Variants in REEP6 observed in about 807,000 individuals in gnomAD.
The protein encoded by REEP6 is receptor expression-enhancing protein 6.
Under a neutral mutation model 22.4 loss-of-function variants are expected in REEP6, and 19 were observed. That is an observed-to-expected ratio of 0.85 (90% confidence interval 0.59 to 1.25). The LOEUF is 1.25. Ranked by LOEUF, REEP6 falls within the 50% of genes most tolerant of loss-of-function variation. REEP6 has a pLI of 0.00. For missense variants in REEP6, 273 were observed against 251.9 expected (o/e 1.08, Z -0.57); for synonymous variants, 121 against 113.6 (o/e 1.06, Z -0.41).
chr19:1,497,144 G>GGGCCCC lies in REEP6; in HGVS notation c.518-30_518-29insGGCCCC. 2 of 1,328,122 alleles carry GGGCCCC rather than the reference G, an allele frequency of 1.5e-6. No homozygotes were observed. The highest frequency in any genetic ancestry group is 2.0e-6 in the Non-Finnish European group (2 of 992,332). The allele number at this position is 1,328,122 out of a possible 1,614,324, so 82.3% of individuals were successfully genotyped here. ...CCGGGGAGCCCAGGCCTGCCTCACGGCCCTCCCCCACCCGCCCCTCTCTCT... is the reference window on the plus strand; with the variant it reads ...CCGGGGAGCCCAGGCCTGCCTCACGGGGCCCCCCCTCCCCCACCCGCCCCTCTCTCT... On this transcript the variant is annotated intron_variant, in intron 4 of 4. Coordinates refer to ENST00000233596, the MANE Select transcript of REEP6 (RefSeq NM_138393.4). This position sits in a 1 kb window ranked among gnomAD's most constrained non-coding sequence, Gnocchi z 6.5.
intron 1 of REEP6, among the ~76,000 whole-genome samples, chr19:1,492,455 G>A (rs2084969068): frequency 6.6e-6 from 1 of 152,008 alleles, no homozygotes; most frequent in Non-Finnish European, 1.5e-5. Flanking sequence ...ACTTTTTTAA[G>A]AGACAGGGTC....
chr19:1,496,131 C>T (rs1599272362), intron 3 of REEP6, 154 bp from the exon 4 acceptor site: 9 of 861,418 alleles, frequency 1.0e-5, no homozygotes, highest in East Asian at 2.7e-5. Flanking sequence ...CCCAATAGGA[C>T]GTCTGATGGT....
At position 1,491,245 on chromosome 19, in the gene REEP6, A is replaced by T; in HGVS notation, c.-25A>T. The stretch of plus-strand genomic sequence containing the variant: ...CCCTGGTCCGCGGGCGAGCTCGAGC[A>T]GCCAACCCCGGGCGCGTCGGGGCCA... On this transcript the variant is annotated 5_prime_UTR_variant, in exon 1 of 5. Coordinates refer to ENST00000233596, the MANE Select transcript of REEP6 (RefSeq NM_138393.4). This position sits in a 1 kb window ranked among gnomAD's most constrained non-coding sequence, Gnocchi z 5.4. 1 of 1,444,230 alleles carries T rather than the reference A, an allele frequency of 6.9e-7. No individual in the cohort carries two copies. The allele number at this position is 1,444,230 out of a possible 1,614,324, so 89.5% of individuals were successfully genotyped here. A position where few individuals can be genotyped will look rare whatever the true frequency, so the allele number is the denominator to read the frequency against.
chr19:1,495,878 C>T (rs1451428320), intron 3 of REEP6: 3 of 579,516 alleles, frequency 5.2e-6, no homozygotes, highest in Non-Finnish European at 9.1e-6. Flanking sequence ...GTGGAGGGCC[C>T]ACCCTGAAGG....
At chr19:1,496,827 ATG>A (rs1568235863) in intron 4 of REEP6, among the ~76,000 whole-genome samples, 1 of 151,778 alleles carries the variant, frequency 6.6e-6, no homozygotes, top group African/African-American at 2.4e-5. Flanking sequence ...GCTCAAGTGT[ATG>A]TTTGGTGTGT....
At position 1,491,275 on chromosome 19, in the gene REEP6, C is replaced by T. The variant is rs1358942775; in HGVS notation, c.6C>T (p.Asp2=). ...ACCCCGGGCGCGTCGGGGCCATGGACGGCCTGAGGCAGCGCGTGGAGCACT... is the reference window on the plus strand; with the variant it reads ...ACCCCGGGCGCGTCGGGGCCATGGATGGCCTGAGGCAGCGCGTGGAGCACT... M[D]GLRQRVEHFL... The change falls in exon 1 of 5, where the codon GAC becomes GAT. Residue 2 remains aspartate (D), a synonymous_variant. Coordinates refer to ENST00000233596, the MANE Select transcript of REEP6 (RefSeq NM_138393.4). This position sits in a 1 kb window ranked among gnomAD's most constrained non-coding sequence, Gnocchi z 5.4. The T allele has an allele frequency of 4.1e-6, 6 of 1,463,872 alleles. No homozygotes were observed. The South Asian group carries it at 8.0e-5, about 20-fold the overall frequency. 90.7% of individuals were successfully genotyped at this position (1,463,872 alleles called of 1,614,324 possible). A position where few individuals can be genotyped will look rare whatever the true frequency, so the allele number is the denominator to read the frequency against.
chr19:1,493,031 C>T (rs557580960), intron 1 of REEP6, among the ~76,000 whole-genome samples: 1 of 152,134 alleles, frequency 6.6e-6, no homozygotes, highest in Non-Finnish European at 1.5e-5. Flanking sequence ...AACTGAGGCA[C>T]AGGGAGGCAG....
rs113028547 is a variant in REEP6 at position 1,491,806 on chromosome 19, C to A, written c.115+422C>A. Among the ~76,000 whole-genome samples the A allele has an allele frequency of 5.3e-3, 814 of 152,276 alleles. 6 individuals carry two copies. The highest frequency in any genetic ancestry group is 0.018 in the African/African-American group (753 of 41,556). On this transcript the variant is annotated intron_variant, in intron 1 of 4. Coordinates refer to ENST00000233596, the MANE Select transcript of REEP6 (RefSeq NM_138393.4). The surrounding 1 kb of genome is among the most constrained non-coding windows in gnomAD (Gnocchi z 5.4). Reference sequence around the variant, plus strand: ...GCTCCTGGCGGGAAGGGGAACGGACCGTCCTGGGGGCCTGCCCAGGACCCT... The same window carrying A: ...GCTCCTGGCGGGAAGGGGAACGGACAGTCCTGGGGGCCTGCCCAGGACCCT...
rs1419080315 is a variant in REEP6, at chr19:1,491,260, C to T, written c.-10C>T. 7.5e-6 allele frequency: 11 copies of T among 1,461,698 alleles called. No homozygotes were observed. Among genetic ancestry groups the T allele is most frequent in the Non-Finnish European group, 1.0e-5 (11 of 1,104,206 alleles). The allele number at this position is 1,461,698 out of a possible 1,614,324, so 90.5% of individuals were successfully genotyped here. ...GAGCTCGAGCAGCCAACCCCGGGCGCGTCGGGGCCATGGACGGCCTGAGGC... is the reference window on the plus strand; with the variant it reads ...GAGCTCGAGCAGCCAACCCCGGGCGTGTCGGGGCCATGGACGGCCTGAGGC... On this transcript the variant is annotated 5_prime_UTR_variant, in exon 1 of 5. Transcript: ENST00000233596. The surrounding 1 kb of genome is among the most constrained non-coding windows in gnomAD (Gnocchi z 5.4).
intron 3 of REEP6, 105 bp downstream of exon 3, chr19:1,495,712 G>A: frequency 1.4e-6 from 2 of 1,474,072 alleles, no homozygotes; most frequent in Non-Finnish European, 1.9e-6. Flanking sequence ...GATGGGGGAT[G>A]TGAGGGGAAG....
At chr19:1,492,049 C>T (rs1405714493) in intron 1 of REEP6, among the ~76,000 whole-genome samples, 1 of 152,220 alleles carries the variant, frequency 6.6e-6, no homozygotes. Context: ...CGCTGCGCGC[C>T]CCTTCCCCTT....
Position 1,491,277 on chromosome 19 carries a change from G to A in REEP6, c.8G>A (p.Gly3Asp), listed in dbSNP as rs2084931182. The A allele has an allele frequency of 6.8e-7, 1 of 1,469,192 alleles. No homozygotes were observed. 91.0% of individuals were successfully genotyped at this position (1,469,192 alleles called of 1,614,324 possible). A position where few individuals can be genotyped will look rare whatever the true frequency, so the allele number is the denominator to read the frequency against. Residue 3 changes from glycine to aspartate, a missense_variant, in exon 1 of 5, where the codon GGC becomes GAC. By Grantham distance (94) the Gly-to-Asp change is moderately conservative. Coordinates refer to ENST00000233596, the MANE Select transcript of REEP6 (RefSeq NM_138393.4). The surrounding 1 kb of genome is among the most constrained non-coding windows in gnomAD (Gnocchi z 5.4). Reference sequence around the variant, plus strand: ...CCCGGGCGCGTCGGGGCCATGGACGGCCTGAGGCAGCGCGTGGAGCACTTC... The same window carrying A: ...CCCGGGCGCGTCGGGGCCATGGACGACCTGAGGCAGCGCGTGGAGCACTTC... The part of the protein sequence containing the change: MD[G>D]LRQRVEHFLE...
rs184356754 is a variant in REEP6, at chr19:1,492,830, C to T, written c.115+1446C>T. Reference sequence around the variant, plus strand: ...CCCACACCCTGGAGGTCCCCAGGTGCCTGGTCCCATGTGCAGCGCAGCAGG... The same window carrying T: ...CCCACACCCTGGAGGTCCCCAGGTGTCTGGTCCCATGTGCAGCGCAGCAGG... On this transcript the variant is annotated intron_variant, in intron 1 of 4. Coordinates refer to ENST00000233596, the MANE Select transcript of REEP6 (RefSeq NM_138393.4). 1.1e-3 allele frequency among the ~76,000 whole-genome samples: 163 copies of T among 152,306 alleles called. 2 individuals are homozygous for T. Among genetic ancestry groups the T allele is most frequent in the Non-Finnish European group, 1.2e-3 (84 of 68,014 alleles).
intron 1 of REEP6, among the ~76,000 whole-genome samples, chr19:1,493,732 C>CACACACACACAT (rs1555690909): frequency 6.6e-6 from 1 of 151,626 alleles, no homozygotes; most frequent in African/African-American, 2.4e-5. Context: ...CACACACACA[C>CACACACACACAT]GTTTTTCTCT....
rs975719148 is a variant in REEP6 at position 1,492,225 on chromosome 19, C to T, written c.115+841C>T. ...CACCTCCTGGGTTCAAGCGATTCTC[C>T]TGCCTCAGTCTACCAAGTAGCTGGG... On this transcript the variant is annotated intron_variant, in intron 1 of 4. Coordinates refer to ENST00000233596, the MANE Select transcript of REEP6 (RefSeq NM_138393.4). Among the ~76,000 whole-genome samples, 3 of 152,116 alleles carry T rather than the reference C, an allele frequency of 2.0e-5. 1 individual carries two copies. The highest frequency in any genetic ancestry group is 4.4e-5 in the Non-Finnish European group (3 of 68,016).
chr19:1,496,729 C>T (rs946779055), intron 4 of REEP6: 14 of 653,286 alleles, frequency 2.1e-5, no homozygotes, highest in South Asian at 6.2e-5. Flanking sequence ...CGCGCGCGCG[C>T]GCGTGTGTTT....
In REEP6 at chr19:1,491,211, G is replaced by C; in HGVS notation, c.-59G>C. On this transcript the variant is annotated 5_prime_UTR_variant, in exon 1 of 5. Coordinates refer to ENST00000233596, the MANE Select transcript of REEP6 (RefSeq NM_138393.4). The surrounding 1 kb of genome is among the most constrained non-coding windows in gnomAD (Gnocchi z 5.4). ...GCGGGAAAGCGGTGCGCGTGCAGCGGGGTGGGTGCCCTGGTCCGCGGGCGA... is the reference window on the plus strand; with the variant it reads ...GCGGGAAAGCGGTGCGCGTGCAGCGCGGTGGGTGCCCTGGTCCGCGGGCGA... 8.2e-7 allele frequency: 1 copy of C among 1,214,520 alleles called. No individual in the cohort carries two copies. 75.2% of individuals were successfully genotyped at this position (1,214,520 alleles called of 1,614,324 possible).
Position 1,491,529 on chromosome 19 carries a change from G to A in REEP6, c.115+145G>A. 2.1e-6 allele frequency: 1 copy of A among 487,748 alleles called. No individual in the cohort carries two copies. Among genetic ancestry groups the A allele is most frequent in the Non-Finnish European group, 3.4e-6 (1 of 293,446 alleles). The allele number at this position is 487,748 out of a possible 1,614,324, so 30.2% of individuals were successfully genotyped here. A position where few individuals can be genotyped will look rare whatever the true frequency, so the allele number is the denominator to read the frequency against. On this transcript the variant is annotated intron_variant, in intron 1 of 4. Transcript: ENST00000233596. This position sits in a 1 kb window ranked among gnomAD's most constrained non-coding sequence, Gnocchi z 5.4. ...GTGACTGGGACCTCGAGGTCCGCCC[G>A]CAGCCCTTCCCTTGCCCGCGCCCTG... is the stretch of plus-strand genomic sequence containing the variant.
Position 1,497,106 on chromosome 19 carries a change from C to T in REEP6, c.518-68C>T, listed in dbSNP as rs2085015295. 1 of 1,263,276 alleles carries T rather than the reference C, an allele frequency of 7.9e-7. No homozygotes were observed. Among genetic ancestry groups the T allele is most frequent in the Admixed American group, 2.9e-5 (1 of 34,194 alleles). 78.3% of individuals were successfully genotyped at this position (1,263,276 alleles called of 1,614,324 possible). A position where few individuals can be genotyped will look rare whatever the true frequency, so the allele number is the denominator to read the frequency against. ...CTCATAGCCAGTAGCCTCAGTCCCG[C>T]CTGCGAGCAGCTCCGGGGAGCCCAG... On this transcript the variant is annotated intron_variant, in intron 4 of 4. Transcript: ENST00000233596. The surrounding 1 kb of genome is among the most constrained non-coding windows in gnomAD (Gnocchi z 6.5).
Sources: gnomAD v4.1 joint callset for allele counts (sites outside exome capture counted in the v4.1 genomes callset) on GRCh38, gnomAD v4.1.1 for gene constraint, Gnocchi (gnomAD v3.1) non-coding constraint, MANE v1.5 for transcripts, NCBI Gene and HGNC (gene_info 2026-07-23, HGNC 2026-07-21) for gene names.